The following ACBD6 variants were observed in gnomAD, a reference collection of about 807,000 sequenced individuals.
ACBD6 encodes the protein acyl-CoA-binding domain-containing protein 6.
Under a neutral mutation model 37.2 loss-of-function variants are expected in ACBD6, and 28 were observed. That is an observed-to-expected ratio of 0.75 (90% CI 0.56 to 1.03). The LOEUF (loss-of-function observed/expected upper bound fraction) is 1.03. ACBD6 is among the 50% of genes least tolerant of loss of function. The probability of loss-of-function intolerance (pLI) is 0.00; values close to 1 mark genes in which losing one functional copy is unlikely to be tolerated. For synonymous variants in ACBD6, 113 were observed against 126.8 expected (o/e 0.89, Z 0.73); for missense variants, 340 against 337.4 (o/e 1.01, Z -0.06).
Position 180,502,184 on chromosome 1 carries a change from A to G in ACBD6, c.83T>C (p.Val28Ala). Reference protein sequence around the residue: ...ELSSGDDSGEVEFPHSPEIEE... With the variant: ...ELSSGDDSGEAEFPHSPEIEE... The stretch of plus-strand genomic sequence containing the variant: ...GATCTCAGGGCTATGGGGGAACTCC[A>G]CCTCCCCGGAGTCGTCCCCTGAGCT... The change falls in exon 1 of 8, where the codon GTG (valine) becomes GCG (alanine). Residue 28 changes from valine to alanine, a missense_variant. By Grantham distance (64) the Val-to-Ala change is moderately conservative. Coordinates refer to ENST00000367595, the MANE Select transcript of ACBD6 (RefSeq NM_032360.4). The G allele has an allele frequency of 6.2e-7, 1 of 1,613,276 alleles. No individual in the cohort carries two copies. Among genetic ancestry groups the G allele is most frequent in the Non-Finnish European group, 8.5e-7 (1 of 1,179,882 alleles).
At chr1:180,372,741 CA>C (rs1024200538) in intron 6 of ACBD6, among the ~76,000 whole-genome samples, 13 of 152,202 alleles carry the variant, frequency 8.5e-5, no homozygotes, top group African/African-American at 2.9e-4. Context: ...TAAGATTTTC[CA>C]GTGTTCTTGA....
chr1:180,428,221 C>G (rs1323139300), intron 4 of ACBD6, among the ~76,000 whole-genome samples: 1 of 152,056 alleles, frequency 6.6e-6, no homozygotes, highest in Non-Finnish European at 1.5e-5. Flanking sequence ...AAGGCCAAGT[C>G]TAACCAATTT....
intron 3 of ACBD6, among the ~76,000 whole-genome samples, chr1:180,485,068 CTG>C (rs771845455): frequency 6.2e-4 from 91 of 146,844 alleles, no homozygotes; most frequent in Non-Finnish European, 1.2e-3. Flanking sequence ...GAGTGAGACT[CTG>C]TCTCAAAAAA....
At chr1:180,312,159 T>C (rs1571346480) in intron 7 of ACBD6, among the ~76,000 whole-genome samples, 1 of 152,250 alleles carries the variant, frequency 6.6e-6, no homozygotes, top group Non-Finnish European at 1.5e-5. Context: ...AATTTGTAGT[T>C]TGACTTGGCA....
chr1:180,271,323 G>A (rs569311696), exon 14 of ACBD6: 3 of 1,594,512 alleles, frequency 1.9e-6, no homozygotes, highest in Non-Finnish European at 2.6e-6. Flanking sequence ...GGGTGTGGGA[G>A]GAGGCGCAGC....
chr1:180,331,099 T>C (rs1421027665), intron 6 of ACBD6, among the ~76,000 whole-genome samples: 2 of 152,104 alleles, frequency 1.3e-5, no homozygotes, highest in African/African-American at 4.8e-5. Context: ...AGATGTGGGG[T>C]CTATCTTGGC....
At chr1:180,322,001 T>C (rs1651092799) in intron 6 of ACBD6, among the ~76,000 whole-genome samples, 1 of 152,162 alleles carries the variant, frequency 6.6e-6, no homozygotes, top group Admixed American at 6.5e-5. Context: ...GGGTCTGTCA[T>C]ATAAGACTTT....
At chr1:180,292,613 GT>G (rs140756505) in intron 7 of ACBD6, among the ~76,000 whole-genome samples, 2,801 of 144,528 alleles carry the variant, frequency 0.019, 90 homozygotes, top group African/African-American at 0.065. Context: ...CTTATTCTAG[GT>G]TTTTTTTTTT....
In ACBD6 at chr1:180,292,591, T is replaced by A. The variant is rs536436541; in HGVS notation, c.695-4074A>T. On this transcript the variant is annotated intron_variant, in intron 7 of 7. Coordinates refer to ENST00000367595, the MANE Select transcript of ACBD6 (RefSeq NM_032360.4). ...TATATTGATTTTACATCCTGTGAACTTGGTGAACTCACTTATTCTAGGTTT... is the reference window on the plus strand; with the variant it reads ...TATATTGATTTTACATCCTGTGAACATGGTGAACTCACTTATTCTAGGTTT... 1.5e-4 allele frequency among the ~76,000 whole-genome samples: 23 copies of A among 152,082 alleles called. No individual in the cohort carries two copies. In the South Asian group the frequency reaches 4.8e-3, roughly 32 times the overall value.
Position 180,334,330 on chromosome 1 carries a change from G to A in ACBD6, c.664-19608C>T, listed in dbSNP as rs559101863. 1.2e-4 allele frequency among the ~76,000 whole-genome samples: 19 copies of A among 152,274 alleles called. No homozygotes were observed. In the South Asian group the frequency reaches 2.9e-3, roughly 23 times the overall value. On this transcript the variant is annotated intron_variant, in intron 6 of 7. Coordinates refer to ENST00000367595, the MANE Select transcript of ACBD6 (RefSeq NM_032360.4). Reference sequence around the variant, plus strand: ...TCTGAGACAAAACTTCCAGAGGAACGATCAGGCAGCAACATTTGCTGTTCA... The same window carrying A: ...TCTGAGACAAAACTTCCAGAGGAACAATCAGGCAGCAACATTTGCTGTTCA...
At chr1:180,282,036 A>G (rs1385512693) in intron 8 of ACBD6, among the ~76,000 whole-genome samples, 1 of 152,292 alleles carries the variant, frequency 6.6e-6, no homozygotes, top group East Asian at 1.9e-4. Context: ...TTTCCTTTAG[A>G]ACCCTTTCTT....
intron 6 of ACBD6, among the ~76,000 whole-genome samples, chr1:180,389,400 A>G (rs992022410): frequency 3.5e-4 from 53 of 152,262 alleles, no homozygotes; most frequent in Middle Eastern, 3.4e-3. Flanking sequence ...CCAGTCTATC[A>G]TTGTTGGACA....
chr1:180,351,531 C>A (rs946384553), intron 6 of ACBD6, among the ~76,000 whole-genome samples: 3 of 151,434 alleles, frequency 2.0e-5, no homozygotes, highest in South Asian at 2.1e-4. Context: ...CCTCAGCCTC[C>A]CAAAATGCTG....
chr1:180,272,657 T>C (rs115104253), exon 13 of ACBD6: 2,336 of 152,462 alleles, frequency 0.015, 27 homozygotes, highest in Non-Finnish European at 0.023. Flanking sequence ...ATCATAACTG[T>C]TCTCAGGTAC....
chr1:180,499,002 T>C (rs1651847971), intron 1 of ACBD6, among the ~76,000 whole-genome samples: 2 of 152,060 alleles, frequency 1.3e-5, no homozygotes, highest in African/African-American at 2.4e-5. Flanking sequence ...GACCAAAAAA[T>C]TGTTCATTCG....
At chr1:180,482,866 G>C (rs1193246472) in intron 3 of ACBD6, among the ~76,000 whole-genome samples, 4 of 152,310 alleles carry the variant, frequency 2.6e-5, no homozygotes, top group African/African-American at 7.2e-5. Flanking sequence ...AAGTGTGTGA[G>C]TGTGTGGGGC....
chr1:180,323,528 GTCTC>G (rs1010135328), intron 6 of ACBD6, among the ~76,000 whole-genome samples: 3 of 151,802 alleles, frequency 2.0e-5, no homozygotes, highest in African/African-American at 7.3e-5. Context: ...TTGTATTGGG[GTCTC>G]TCTCTCTCTT....
chr1:180,318,259 G>C (rs1329835364), intron 6 of ACBD6, among the ~76,000 whole-genome samples: 1 of 150,178 alleles, frequency 6.7e-6, no homozygotes, highest in African/African-American at 2.4e-5. Context: ...TCTGGAAACT[G>C]TCCCTCAACA....
At chr1:180,276,334 A>G (rs1410810792) in intron 9 of ACBD6, 6 of 24,336 alleles carry the variant, frequency 2.5e-4, no homozygotes, top group Admixed American at 1.4e-3. Context: ...CCAGGACTAA[A>G]CTAAGTTCAA....
Sources: gnomAD v4.1 joint callset for allele counts (sites outside exome capture counted in the v4.1 genomes callset) on GRCh38, gnomAD v4.1.1 for gene constraint, MANE v1.5 for transcripts, NCBI Gene and HGNC (gene_info 2026-07-23, HGNC 2026-07-21) for gene names.